The following SHISA9 variants were observed in gnomAD, a reference collection of about 807,000 sequenced individuals.
SHISA9 encodes shisa family member 9.
SHISA9 carries 13 observed loss-of-function variants against 38.0 expected under a neutral mutation model. The observed-to-expected ratio is 0.34, with a 90% CI of 0.22 to 0.54. The LOEUF (loss-of-function observed/expected upper bound fraction) is 0.54. SHISA9 is among the 20% of genes least tolerant of loss of function. The pLI, the probability that SHISA9 is intolerant of heterozygous loss-of-function variation, is 0.91. For synonymous variants in SHISA9, 275 were observed against 242.0 expected (o/e 1.14, Z -1.27); for missense variants, 538 against 575.8 (o/e 0.93, Z 0.67).
chr16:13,406,753 C>G, the SHISA9 span, among the ~76,000 whole-genome samples: 1 of 152,122 alleles, frequency 6.6e-6, no homozygotes, highest in African/African-American at 2.4e-5. Context: ...GATCACTAAG[C>G]CTTCACATGT....
At chr16:13,497,991 AG>A in the SHISA9 span, among the ~76,000 whole-genome samples, 1 of 152,176 alleles carries the variant, frequency 6.6e-6, no homozygotes, top group South Asian at 2.1e-4. Context: ...TGTGAGCAAT[AG>A]AAAAAAAATC....
chr16:13,148,560 A>AT (rs2050468669), intron 2 of SHISA9, among the ~76,000 whole-genome samples: 1 of 152,056 alleles, frequency 6.6e-6, no homozygotes, highest in Admixed American at 6.6e-5. Context: ...CATTCACTCT[A>AT]TATCTATTAA....
chr16:12,971,304 G>A (rs570567363), intron 2 of SHISA9, among the ~76,000 whole-genome samples: 1 of 152,336 alleles, frequency 6.6e-6, no homozygotes, highest in African/African-American at 2.4e-5. Context: ...AAATCCTGAA[G>A]CCTTTGCCAG....
At chr16:13,354,948 C>G in the SHISA9 span, among the ~76,000 whole-genome samples, 5,993 of 151,108 alleles carry the variant, frequency 0.04, 209 homozygotes, top group African/African-American at 0.1. Flanking sequence ...GCAGTACAGC[C>G]CAGGTAATTT....
At chr16:13,115,580 C>T (rs978501273) in intron 2 of SHISA9, among the ~76,000 whole-genome samples, 5 of 152,298 alleles carry the variant, frequency 3.3e-5, no homozygotes, top group Admixed American at 2.6e-4. Flanking sequence ...CCAGCTTGGG[C>T]GTTAGGGCAA....
intron 2 of SHISA9, among the ~76,000 whole-genome samples, chr16:13,038,450 C>T (rs543809834): frequency 6.6e-6 from 1 of 152,314 alleles, no homozygotes; most frequent in Non-Finnish European, 1.5e-5. Flanking sequence ...TCCCTGCACC[C>T]CACTCTCCTT....
intron 2 of SHISA9, among the ~76,000 whole-genome samples, chr16:13,150,805 C>T (rs114021045): frequency 0.017 from 2,545 of 152,300 alleles, 74 homozygotes; most frequent in African/African-American, 0.059. Context: ...GGGATTCAAC[C>T]ATGACCATGG....
intron 2 of SHISA9, among the ~76,000 whole-genome samples, chr16:13,014,048 G>C (rs1209612565): frequency 2.6e-5 from 4 of 152,150 alleles, no homozygotes; most frequent in African/African-American, 9.7e-5. Flanking sequence ...TACCTTTAAA[G>C]CCCTTGCCAT....
the SHISA9 span, among the ~76,000 whole-genome samples, chr16:13,361,092 T>C: frequency 6.6e-6 from 1 of 152,234 alleles, no homozygotes; most frequent in Admixed American, 6.5e-5. Context: ...ATTCTTCACC[T>C]TTCTAGTACT....
chr16:13,434,534 C>A, the SHISA9 span, among the ~76,000 whole-genome samples: 2 of 151,352 alleles, frequency 1.3e-5, no homozygotes, highest in Non-Finnish European at 2.9e-5. Flanking sequence ...TCTCCTGCCT[C>A]AGCCTCCCGA....
At chr16:13,361,449 T>C in the SHISA9 span, among the ~76,000 whole-genome samples, 2 of 152,260 alleles carry the variant, frequency 1.3e-5, no homozygotes, top group African/African-American at 2.4e-5. Flanking sequence ...TCATTGGGTA[T>C]CTGCTGTGTG....
At chr16:12,997,333 T>G (rs1232735046) in intron 2 of SHISA9, among the ~76,000 whole-genome samples, 1 of 152,040 alleles carries the variant, frequency 6.6e-6, no homozygotes, top group African/African-American at 2.4e-5. Context: ...CTGAGTAGTA[T>G]TCCATAGTAT....
the SHISA9 span, among the ~76,000 whole-genome samples, chr16:13,255,709 C>T: frequency 6.6e-6 from 1 of 152,158 alleles, no homozygotes; most frequent in Non-Finnish European, 1.5e-5. Flanking sequence ...CCAATCCTTA[C>T]TACTAATTTA....
intron 2 of SHISA9, among the ~76,000 whole-genome samples, chr16:13,125,043 G>C (rs2050244443): frequency 6.6e-6 from 1 of 152,060 alleles, no homozygotes. Flanking sequence ...CAATCTCCAG[G>C]ACGTTGAAGT....
chr16:13,121,710 G>A lies in SHISA9; in HGVS notation c.692-81684G>A, dbSNP rs187692735. On this transcript the variant is annotated intron_variant, in intron 2 of 4. Coordinates refer to ENST00000558583, the MANE Select transcript of SHISA9 (RefSeq NM_001145204.3). ...CATCAATGCTAACTCCGTGGGGATGGGGGCAGGGAAGGGGAATGGGCAATT... is the reference window on the plus strand; with the variant it reads ...CATCAATGCTAACTCCGTGGGGATGAGGGCAGGGAAGGGGAATGGGCAATT... 3.4e-3 allele frequency among the ~76,000 whole-genome samples: 519 copies of A among 152,048 alleles called. 2 individuals are homozygous for A. Among genetic ancestry groups the A allele is most frequent in the African/African-American group, 0.012 (486 of 41,482 alleles).
At chr16:13,155,535 C>G (rs1174051702) in intron 2 of SHISA9, among the ~76,000 whole-genome samples, 2 of 152,136 alleles carry the variant, frequency 1.3e-5, no homozygotes, top group Non-Finnish European at 2.9e-5. Flanking sequence ...CTCTACCAGA[C>G]TGCTCTGCAG....
rs1427910229 is a variant in SHISA9 at position 13,124,004 on chromosome 16, T to A, written c.692-79390T>A. Among the ~76,000 whole-genome samples the A allele has an allele frequency of 9.8e-5, 15 of 152,324 alleles. No homozygotes were observed. In the East Asian group the frequency reaches 2.9e-3, roughly 29 times the overall value. ...ACTGTTCCCTTTTCCATGCACCGCA[T>A]CGTATCCTGCAGCTGGGAATACTCC... On this transcript the variant is annotated intron_variant, in intron 2 of 4. Coordinates refer to ENST00000558583, the MANE Select transcript of SHISA9 (RefSeq NM_001145204.3).
chr16:13,229,018 G>A (rs1221498829), intron 4 of SHISA9, among the ~76,000 whole-genome samples: 1 of 152,184 alleles, frequency 6.6e-6, no homozygotes, highest in African/African-American at 2.4e-5. Flanking sequence ...AAATCAGCCA[G>A]GAGTGGTGTC....
chr16:13,545,262 C>T, the SHISA9 span, among the ~76,000 whole-genome samples: 3 of 152,244 alleles, frequency 2.0e-5, no homozygotes, highest in African/African-American at 7.2e-5. Context: ...TTTTTGAATC[C>T]ACAGCACTGC....
Sources: gnomAD v4.1 joint callset for allele counts (sites outside exome capture counted in the v4.1 genomes callset) on GRCh38, gnomAD v4.1.1 for gene constraint, MANE v1.5 for transcripts, NCBI Gene and HGNC (gene_info 2026-07-23, HGNC 2026-07-21) for gene names.